Variants in AGBL3 observed in about 807,000 individuals in gnomAD.
The protein encoded by AGBL3 is cytosolic carboxypeptidase 3.
Under a neutral mutation model 94.5 loss-of-function variants are expected in AGBL3, and 68 were observed. That is an observed-to-expected ratio of 0.72 (90% CI 0.59 to 0.88). AGBL3 has a LOEUF of 0.88. Among genes scored for constraint, AGBL3 ranks in the 40% least tolerant of loss-of-function variants. The pLI is 0.00. For synonymous variants in AGBL3, 354 were observed against 370.7 expected (o/e 0.95, Z 0.52); for missense variants, 934 against 1,103.8 (o/e 0.85, Z 2.18).
At chr7:135,115,649 C>T (rs1424153532) in intron 16 of AGBL3, 38 bp downstream of exon 16, 2 of 1,419,520 alleles carry the variant, frequency 1.4e-6, no homozygotes, top group African/African-American at 1.5e-5. Context: ...ATCTATTTAA[C>T]ACATCTTTTT....
At position 135,135,344 on chromosome 7, in the gene AGBL3, C is replaced by T; in HGVS notation, c.*83C>T. On this transcript the variant is annotated 3_prime_UTR_variant, in exon 17 of 17. Transcript: ENST00000436302. ...AAAAAGAAAAAAAGGAAAGCCCTCC[C>T]CTTCCCCTTTCCCTATCTCTCCCCT... is the stretch of plus-strand genomic sequence containing the variant. 8.0e-7 allele frequency: 1 copy of T among 1,248,552 alleles called. No individual in the cohort carries two copies. The highest frequency in any genetic ancestry group is 2.6e-5 in the East Asian group (1 of 38,594). The allele number at this position is 1,248,552 out of a possible 1,614,324, so 77.3% of individuals were successfully genotyped here.
rs571592684 is a variant in AGBL3, at chr7:135,053,329, C to T, written c.1842-5840C>T. 4.6e-5 allele frequency among the ~76,000 whole-genome samples: 7 copies of T among 152,202 alleles called. No individual in the cohort carries two copies. The South Asian group carries it at 1.2e-3, about 27-fold the overall frequency. ...TGTTATAGAAAGGATTCAGCCAGGC[C>T]GGGCAGGGTGGCTCATGCCTGTAAT... On this transcript the variant is annotated intron_variant, in intron 11 of 16. Coordinates refer to ENST00000436302, the MANE Select transcript of AGBL3 (RefSeq NM_178563.4).
At chr7:134,988,895 C>T (rs534927913) in intron 2 of AGBL3, among the ~76,000 whole-genome samples, 25 of 152,306 alleles carry the variant, frequency 1.6e-4, no homozygotes, top group African/African-American at 5.5e-4. Flanking sequence ...GCCTTGGCCT[C>T]CCAAAGTGCT....
chr7:135,096,151 C>CAA (rs201040922), intron 15 of AGBL3, among the ~76,000 whole-genome samples: 60,158 of 147,640 alleles, frequency 0.41, 12,509 homozygotes, highest in South Asian at 0.59. Context: ...GACTCTCTCT[C>CAA]AAAAAAAAAA....
At chr7:135,125,011 T>G (rs188287293) in intron 16 of AGBL3, among the ~76,000 whole-genome samples, 5 of 151,802 alleles carry the variant, frequency 3.3e-5, no homozygotes, top group Non-Finnish European at 2.9e-5. Flanking sequence ...AAGAGCAAAC[T>G]AATCCAAAAG....
intron 4 of AGBL3, among the ~76,000 whole-genome samples, chr7:135,005,908 A>G (rs1812326441): frequency 6.6e-6 from 1 of 151,880 alleles, no homozygotes; most frequent in African/African-American, 2.4e-5. Flanking sequence ...GAGACAAGGG[A>G]AAACTTCAAC....
chr7:135,131,258 A>G (rs1290576054), intron 16 of AGBL3, among the ~76,000 whole-genome samples: 1 of 152,150 alleles, frequency 6.6e-6, no homozygotes, highest in Non-Finnish European at 1.5e-5. Flanking sequence ...GTGGGAGTTG[A>G]ACAGTGAGAA....
intron 4 of AGBL3, among the ~76,000 whole-genome samples, chr7:135,007,365 T>C (rs763694748): frequency 2.6e-5 from 4 of 151,980 alleles, no homozygotes; most frequent in Admixed American, 6.5e-5. Flanking sequence ...TATCCAGATA[T>C]GTTGTTTGTT....
chr7:135,005,475 C>G (rs756674961), intron 4 of AGBL3, among the ~76,000 whole-genome samples: 3 of 151,600 alleles, frequency 2.0e-5, no homozygotes, highest in Admixed American at 6.6e-5. Flanking sequence ...CTAAATAAAT[C>G]AAGAAATATA....
At chr7:135,061,286 C>A (rs188924988) in intron 12 of AGBL3, among the ~76,000 whole-genome samples, 94 of 152,120 alleles carry the variant, frequency 6.2e-4, no homozygotes, top group African/African-American at 1.7e-3. Context: ...TGGATATTAA[C>A]CCCTTATCAG....
At chr7:135,100,771 A>C (rs1046087613) in intron 15 of AGBL3, among the ~76,000 whole-genome samples, 1 of 152,248 alleles carries the variant, frequency 6.6e-6, no homozygotes, top group African/African-American at 2.4e-5. Flanking sequence ...TGATATATCA[A>C]GACAAAAGAA....
intron 4 of AGBL3, among the ~76,000 whole-genome samples, chr7:135,007,945 CA>C: frequency 6.6e-6 from 1 of 151,816 alleles, no homozygotes; most frequent in Non-Finnish European, 1.5e-5. Context: ...GTAAAGAGTA[CA>C]AGACATACTC....
intron 16 of AGBL3, chr7:135,128,992 A>C: frequency 1.9e-6 from 3 of 1,594,600 alleles, no homozygotes; most frequent in Non-Finnish European, 1.7e-6. Context: ...AGGCATGTGT[A>C]CTGCAAAGAC....
intron 16 of AGBL3, among the ~76,000 whole-genome samples, chr7:135,123,167 G>T (rs1034988099): frequency 4.6e-5 from 7 of 152,186 alleles, no homozygotes; most frequent in Non-Finnish European, 7.4e-5. Context: ...TAGAGTAGCT[G>T]CTAACTAGAA....
At chr7:135,064,234 A>C (rs748858821) in intron 12 of AGBL3, among the ~76,000 whole-genome samples, 18 of 152,216 alleles carry the variant, frequency 1.2e-4, no homozygotes, top group South Asian at 2.1e-4. Context: ...AGGAAGGAGC[A>C]TATCTGTCAT....
At chr7:135,004,638 T>TTTC (rs1812158860) in intron 4 of AGBL3, among the ~76,000 whole-genome samples, 1 of 92,784 alleles carries the variant, frequency 1.1e-5, no homozygotes, top group Admixed American at 1.1e-4. Flanking sequence ...TTGGTTATTT[T>TTTC]CCTAGAAAAA....
chr7:135,042,847 G>A (rs1816991824), intron 8 of AGBL3, among the ~76,000 whole-genome samples: 1 of 152,110 alleles, frequency 6.6e-6, no homozygotes, highest in Non-Finnish European at 1.5e-5. Context: ...AGGAGTTTGA[G>A]ACTGCAGTGA....
At position 135,032,817 on chromosome 7, in the gene AGBL3, A is replaced by G. The variant is rs369736068; in HGVS notation, c.419-27A>G. ...CTTCTTACTTTAGGTATACCTTGAC[A>G]TCTTTATGATCTTCTTCTCTCATCA... On this transcript the variant is annotated intron_variant, in intron 5 of 16. Transcript: ENST00000436302. The G allele has an allele frequency of 2.0e-6, 3 of 1,531,428 alleles. No individual in the cohort carries two copies. The African/African-American group carries it at 4.2e-5, about 21-fold the overall frequency. The allele number at this position is 1,531,428 out of a possible 1,614,324, so 94.9% of individuals were successfully genotyped here.
chr7:135,053,670 T>C (rs1040695888), intron 11 of AGBL3, among the ~76,000 whole-genome samples: 7 of 152,256 alleles, frequency 4.6e-5, no homozygotes, highest in Admixed American at 2.6e-4. Flanking sequence ...GACGACCATC[T>C]GCTATGGGAC....
Sources: gnomAD v4.1 joint callset for allele counts (sites outside exome capture counted in the v4.1 genomes callset) on GRCh38, gnomAD v4.1.1 for gene constraint, MANE v1.5 for transcripts, NCBI Gene and HGNC (gene_info 2026-07-23, HGNC 2026-07-21) for gene names.